The following ZMAT4 variants were observed in gnomAD, a reference collection of about 807,000 sequenced individuals.
ZMAT4 encodes the protein zinc finger matrin-type protein 4.
Under a neutral mutation model 28.7 loss-of-function variants are expected in ZMAT4, and 17 were observed. The ratio of observed to expected loss-of-function variants is 0.59; its 90% CI spans 0.41 to 0.89. The LOEUF (loss-of-function observed/expected upper bound fraction) is 0.89, where lower values mean the gene tolerates loss of function less well. Among genes scored for constraint, ZMAT4 ranks in the 40% least tolerant of loss-of-function variants. The pLI is 0.00. For synonymous variants in ZMAT4, 117 were observed against 109.2 expected (o/e 1.07, Z -0.44); for missense variants, 240 against 283.8 (o/e 0.85, Z 1.11).
chr8:40,651,327 AT>A (rs1807637166), intron 5 of ZMAT4, among the ~76,000 whole-genome samples: 1 of 152,220 alleles, frequency 6.6e-6, no homozygotes, highest in Non-Finnish European at 1.5e-5. Context: ...CTCATTCACA[AT>A]TGCTTTAAAG....
intron 5 of ZMAT4, among the ~76,000 whole-genome samples, chr8:40,585,398 C>T (rs187430076): frequency 1.3e-5 from 2 of 152,064 alleles, no homozygotes; most frequent in African/African-American, 4.8e-5. Flanking sequence ...ATGATAAAAT[C>T]TAGATTCCCA....
intron 5 of ZMAT4, among the ~76,000 whole-genome samples, chr8:40,653,732 G>C (rs1443721009): frequency 6.6e-6 from 1 of 152,136 alleles, no homozygotes; most frequent in Non-Finnish European, 1.5e-5. Context: ...TAGAATGTGT[G>C]AGTAGACTTA....
At chr8:40,846,907 T>TA (rs1379502337) in intron 1 of ZMAT4, among the ~76,000 whole-genome samples, 1 of 151,950 alleles carries the variant, frequency 6.6e-6, no homozygotes, top group Non-Finnish European at 1.5e-5. Flanking sequence ...CAATCCCTTA[T>TA]AAAAAAGGAG....
chr8:40,629,324 C>T (rs1271215942), intron 5 of ZMAT4, among the ~76,000 whole-genome samples: 3 of 150,706 alleles, frequency 2.0e-5, no homozygotes, highest in Admixed American at 6.6e-5. Flanking sequence ...CATATTTTCT[C>T]ATTTTCTTCT....
At chr8:40,658,619 T>TACAC (rs3038825) in intron 5 of ZMAT4, among the ~76,000 whole-genome samples, 2,924 of 145,466 alleles carry the variant, frequency 0.02, 42 homozygotes, top group South Asian at 0.034. Flanking sequence ...GTTAGACACA[T>TACAC]ACACACACAC....
At chr8:40,708,797 G>A (rs999175971) in intron 3 of ZMAT4, among the ~76,000 whole-genome samples, 4 of 150,910 alleles carry the variant, frequency 2.7e-5, no homozygotes, top group Non-Finnish European at 5.9e-5. Context: ...TCACAGGTGC[G>A]CACCACCGCG....
At chr8:40,683,379 G>A (rs554328194) in intron 4 of ZMAT4, among the ~76,000 whole-genome samples, 9 of 152,262 alleles carry the variant, frequency 5.9e-5, no homozygotes, top group Admixed American at 2.6e-4. Flanking sequence ...TAAAATCTCC[G>A]GTTATGGCCA....
intron 2 of ZMAT4, among the ~76,000 whole-genome samples, chr8:40,795,710 T>C (rs972890816): frequency 1.3e-5 from 2 of 152,230 alleles, no homozygotes; most frequent in South Asian, 2.1e-4. Context: ...GTTGCATTAA[T>C]GTTGCATATA....
At position 40,737,701 on chromosome 8, in the gene ZMAT4, T is replaced by G. The variant is rs1811831113; in HGVS notation, c.192+29940A>C. 2.0e-5 allele frequency among the ~76,000 whole-genome samples: 3 copies of G among 151,696 alleles called. No individual in the cohort carries two copies. The South Asian group carries it at 6.3e-4, about 32-fold the overall frequency. ...ACTTGCTCAAGGAGAGGAAGTGGAG[T>G]TGAGAGGAAGTCTGATTATGTATAC... On this transcript the variant is annotated intron_variant, in intron 3 of 6. Coordinates refer to ENST00000297737, the MANE Select transcript of ZMAT4 (RefSeq NM_024645.3).
chr8:40,883,345 A>G (rs993259119), intron 1 of ZMAT4, among the ~76,000 whole-genome samples: 10 of 152,212 alleles, frequency 6.6e-5, no homozygotes, highest in Non-Finnish European at 1.3e-4. Context: ...ACATGGAAAT[A>G]GAACCATTAG....
chr8:40,581,063 T>C (rs1804448247), intron 6 of ZMAT4, 102 bp downstream of exon 6: 2 of 917,786 alleles, frequency 2.2e-6, no homozygotes, highest in Middle Eastern at 2.4e-4. Flanking sequence ...AGATGTAATT[T>C]CCACTCTACT....
At chr8:40,793,025 C>T (rs1244752396) in intron 2 of ZMAT4, among the ~76,000 whole-genome samples, 2 of 151,930 alleles carry the variant, frequency 1.3e-5, no homozygotes, top group African/African-American at 4.8e-5. Flanking sequence ...ATGGTGGATA[C>T]ATATTATGTA....
At chr8:40,607,960 G>T (rs1401646981) in intron 5 of ZMAT4, among the ~76,000 whole-genome samples, 1 of 152,064 alleles carries the variant, frequency 6.6e-6, no homozygotes, top group Non-Finnish European at 1.5e-5. Flanking sequence ...ATTCTGTGGG[G>T]GTCCTTGGTT....
intron 6 of ZMAT4, among the ~76,000 whole-genome samples, chr8:40,548,172 C>A (rs1563335086): frequency 6.6e-6 from 1 of 152,204 alleles, no homozygotes; most frequent in Non-Finnish European, 1.5e-5. Flanking sequence ...AGGAAGGACC[C>A]TTCAGGCCAT....
At chr8:40,541,628 A>T (rs1251663069) in intron 6 of ZMAT4, among the ~76,000 whole-genome samples, 1 of 152,200 alleles carries the variant, frequency 6.6e-6, no homozygotes, top group African/African-American at 2.4e-5. Context: ...ATTCCACTGG[A>T]CAGTTCTGGG....
chr8:40,617,540 C>A (rs757602913), intron 5 of ZMAT4, among the ~76,000 whole-genome samples: 3 of 152,132 alleles, frequency 2.0e-5, no homozygotes, highest in Non-Finnish European at 2.9e-5. Context: ...CAAGCAGACA[C>A]AATCGTTTGG....
At chr8:40,641,758 A>C (rs1807038153) in intron 5 of ZMAT4, among the ~76,000 whole-genome samples, 1 of 152,162 alleles carries the variant, frequency 6.6e-6, no homozygotes, top group Non-Finnish European at 1.5e-5. Context: ...ACAATACAGT[A>C]TTTTTAAGTA....
chr8:40,754,114 G>A (rs1812572390), intron 3 of ZMAT4, among the ~76,000 whole-genome samples: 1 of 151,872 alleles, frequency 6.6e-6, no homozygotes, highest in African/African-American at 2.4e-5. Context: ...AGAGGCTGCA[G>A]TGCGCCGAGA....
intron 1 of ZMAT4, among the ~76,000 whole-genome samples, chr8:40,870,727 C>A (rs1375158798): frequency 6.6e-6 from 1 of 152,160 alleles, no homozygotes; most frequent in Non-Finnish European, 1.5e-5. Context: ...GGCTGAAAAA[C>A]ATAATTGCTG....
Sources: gnomAD v4.1 joint callset for allele counts (sites outside exome capture counted in the v4.1 genomes callset) on GRCh38, gnomAD v4.1.1 for gene constraint, MANE v1.5 for transcripts, NCBI Gene and HGNC (gene_info 2026-07-23, HGNC 2026-07-21) for gene names.